Variants in SVIL observed in about 807,000 individuals in gnomAD.
SVIL encodes the protein supervillin.
In SVIL, 101 loss-of-function variants were observed where a neutral mutation model predicts 240.4. The ratio of observed to expected loss-of-function variants is 0.42; its 90% CI spans 0.36 to 0.50. The LOEUF (loss-of-function observed/expected upper bound fraction) is 0.50. Ranked by LOEUF, SVIL falls within the 20% of genes least tolerant of loss-of-function variation. The pLI, the probability that SVIL is intolerant of heterozygous loss-of-function variation, is 0.01. For synonymous variants in SVIL, 999 were observed against 1,100.0 expected (o/e 0.91, Z 1.82); for missense variants, 2,512 against 2,818.7 (o/e 0.89, Z 2.46).
rs531657274 is a variant in SVIL, at chr10:29,587,101, A to G, written c.-200-17789T>C. On this transcript the variant is annotated intron_variant, in intron 1 of 37. Coordinates refer to ENST00000355867, the MANE Select transcript of SVIL (RefSeq NM_021738.3). Reference sequence around the variant, plus strand: ...CTCCGTAGAATAAGCCCTGATACAGAACTGAACACACAAGCTACGCAGTGA... The same window carrying G: ...CTCCGTAGAATAAGCCCTGATACAGGACTGAACACACAAGCTACGCAGTGA... 3.2e-3 allele frequency among the ~76,000 whole-genome samples: 482 copies of G among 151,692 alleles called. 1 individual carries two copies. The highest frequency in any genetic ancestry group is 0.011 in the African/African-American group (455 of 40,960).
At chr10:29,507,182 T>C (rs1949426850) in intron 17 of SVIL, among the ~76,000 whole-genome samples, 1 of 151,884 alleles carries the variant, frequency 6.6e-6, no homozygotes, top group Non-Finnish European at 1.5e-5. Context: ...TGGAGGGGCC[T>C]CCCCTCGCTG....
chr10:29,584,805 T>C (rs1025689559), intron 1 of SVIL, among the ~76,000 whole-genome samples: 3 of 152,178 alleles, frequency 2.0e-5, no homozygotes, highest in Middle Eastern at 3.2e-3. Flanking sequence ...ATCAGAGCCA[T>C]CCCTGTAGCC....
At chr10:29,467,401 C>T (rs1012849979) in intron 33 of SVIL, 4 of 182,032 alleles carry the variant, frequency 2.2e-5, no homozygotes, top group African/African-American at 7.1e-5. Flanking sequence ...GCTTGGTCCC[C>T]GGGAGGCCTT....
chr10:29,570,145 A>G (rs1955319381), intron 1 of SVIL, among the ~76,000 whole-genome samples: 1 of 152,270 alleles, frequency 6.6e-6, no homozygotes, highest in Non-Finnish European at 1.5e-5. Flanking sequence ...TTCATTATCC[A>G]TCAAAATACA....
At chr10:29,587,456 A>T (rs965143844) in intron 1 of SVIL, among the ~76,000 whole-genome samples, 15 of 152,162 alleles carry the variant, frequency 9.9e-5, no homozygotes, top group Non-Finnish European at 2.2e-4. Flanking sequence ...GCAAAGGGAG[A>T]GGCTACCTTT....
chr10:29,643,930 G>A (rs1232822709), intron 3 of SVIL: 4 of 512,000 alleles, frequency 7.8e-6, no homozygotes, highest in African/African-American at 1.9e-5. Context: ...AGCCTGGACC[G>A]TGGTTTATGA....
intron 1 of SVIL, among the ~76,000 whole-genome samples, chr10:29,611,260 C>T (rs1957233177): frequency 6.6e-6 from 1 of 152,032 alleles, no homozygotes; most frequent in Non-Finnish European, 1.5e-5. Context: ...TGTTCATTAT[C>T]TTCAGTACAC....
intron 1 of SVIL, chr10:29,697,955 C>T: frequency 1.3e-6 from 1 of 760,584 alleles, no homozygotes; most frequent in Non-Finnish European, 2.2e-6. Context: ...AACAAATTTA[C>T]TATTCGGACA....
intron 1 of SVIL, among the ~76,000 whole-genome samples, chr10:29,717,365 T>A (rs1472784664): frequency 6.6e-6 from 1 of 151,086 alleles, no homozygotes; most frequent in African/African-American, 2.4e-5. Context: ...ACTTATGACC[T>A]AGCTAGAGAG....
At chr10:29,622,542 A>G (rs1203280481) in intron 1 of SVIL, among the ~76,000 whole-genome samples, 1 of 152,178 alleles carries the variant, frequency 6.6e-6, no homozygotes, top group Non-Finnish European at 1.5e-5. Context: ...TTCGCTGGGT[A>G]ATCACAAGAT....
At chr10:29,699,765 C>T (rs1167753591) in intron 1 of SVIL, among the ~76,000 whole-genome samples, 1 of 152,228 alleles carries the variant, frequency 6.6e-6, no homozygotes, top group African/African-American at 2.4e-5. Context: ...CATCTCCAGC[C>T]AAGAGTGTGG....
chr10:29,544,839 C>T (rs1215552290), intron 6 of SVIL, among the ~76,000 whole-genome samples: 1 of 147,988 alleles, frequency 6.8e-6, no homozygotes, highest in Non-Finnish European at 1.5e-5. Flanking sequence ...GAGGGAATGA[C>T]TTACCCATCT....
At chr10:29,693,691 G>A (rs1412344972) in intron 1 of SVIL, among the ~76,000 whole-genome samples, 4 of 152,092 alleles carry the variant, frequency 2.6e-5, no homozygotes, top group South Asian at 2.1e-4. Context: ...TCCTTCTCCC[G>A]AAAAAACGTC....
chr10:29,522,692 C>G lies in SVIL; in HGVS notation c.3164-57G>C, dbSNP rs963510014. 9.0e-6 allele frequency: 14 copies of G among 1,557,508 alleles called. No homozygotes were observed. The African/African-American group carries it at 1.8e-4, about 20-fold the overall frequency. Reference sequence around the variant, plus strand: ...ACTCCTCAGGCAAACATTCTTCCAGCGATTCGCCCTCAACAGTGCAGCTCT... The same window carrying G: ...ACTCCTCAGGCAAACATTCTTCCAGGGATTCGCCCTCAACAGTGCAGCTCT... On this transcript the variant is annotated intron_variant, in intron 15 of 37. Coordinates refer to ENST00000355867, the MANE Select transcript of SVIL (RefSeq NM_021738.3).
Position 29,523,697 on chromosome 10 carries a change from C to T in SVIL, c.2917G>A (p.Glu973Lys). Reference protein sequence around the residue: ...MEKYGSFEEAEASYPILNRAR... With the variant: ...MEKYGSFEEAKASYPILNRAR... ...CGGTTCAGGATGGGGTAGGATGCTTCTGCTTCCTCAAAGGACCCATACTTC... is the reference window on the plus strand; with the variant it reads ...CGGTTCAGGATGGGGTAGGATGCTTTTGCTTCCTCAAAGGACCCATACTTC... The change falls in exon 15 of 38, where the codon GAA (glutamate) becomes AAA (lysine). Residue 973 changes from glutamate (E) to lysine (K), a missense_variant. Around this residue, in one of 3 missense-constraint regions of SVIL, gnomAD observed 1,443 missense variants for 1,486.6 expected, o/e 0.97. Coordinates refer to ENST00000355867, the MANE Select transcript of SVIL (RefSeq NM_021738.3). 1 of 1,614,164 alleles carries T rather than the reference C, an allele frequency of 6.2e-7. No individual in the cohort carries two copies. The highest frequency in any genetic ancestry group is 2.2e-5 in the East Asian group (1 of 44,876).
chr10:29,592,372 T>C (rs1428368305), intron 1 of SVIL, among the ~76,000 whole-genome samples: 1 of 152,184 alleles, frequency 6.6e-6, no homozygotes, highest in Non-Finnish European at 1.5e-5. Flanking sequence ...AATAAGAAAA[T>C]AAAGCCTCTT....
At chr10:29,589,252 A>T (rs1956292279) in intron 1 of SVIL, among the ~76,000 whole-genome samples, 1 of 152,204 alleles carries the variant, frequency 6.6e-6, no homozygotes, top group South Asian at 2.1e-4. Flanking sequence ...GCCCTATCAC[A>T]TCATCGCCCG....
intron 2 of SVIL, among the ~76,000 whole-genome samples, chr10:29,683,673 C>T (rs1297213923): frequency 6.6e-6 from 1 of 152,190 alleles, no homozygotes; most frequent in Non-Finnish European, 1.5e-5. Context: ...CACACACTTG[C>T]TTTGCACATA....
At chr10:29,647,884 AAGT>A (rs1958711554) in intron 3 of SVIL, among the ~76,000 whole-genome samples, 1 of 151,992 alleles carries the variant, frequency 6.6e-6, no homozygotes. Context: ...GGTAGTAGGA[AAGT>A]AGTTTTAAAA....
Sources: gnomAD v4.1 joint callset for allele counts (sites outside exome capture counted in the v4.1 genomes callset) on GRCh38, gnomAD v4.1.1 for gene constraint, gnomAD v4.1.1 regional missense constraint, MANE v1.5 for transcripts, NCBI Gene and HGNC (gene_info 2026-07-23, HGNC 2026-07-21) for gene names.